The following MAD1L1 variants were observed in gnomAD, a reference collection of about 807,000 sequenced individuals.
MAD1L1 encodes the protein mitotic arrest deficient 1 like 1.
A neutral mutation model predicts 96.9 loss-of-function variants in MAD1L1; 95 were observed. The observed-to-expected ratio is 0.98, with a 90% CI of 0.83 to 1.16. MAD1L1 has a LOEUF of 1.16. Ranked by LOEUF, MAD1L1 falls within the 50% of genes most tolerant of loss-of-function variation. MAD1L1 has a pLI of 0.00. For synonymous variants in MAD1L1, 473 were observed against 396.6 expected (o/e 1.19, Z -2.29); for missense variants, 1,007 against 954.4 (o/e 1.06, Z -0.73).
At chr7:1,908,038 G>A (rs142283605) in intron 17 of MAD1L1, among the ~76,000 whole-genome samples, 158 of 152,332 alleles carry the variant, frequency 1.0e-3, no homozygotes, top group Middle Eastern at 6.8e-3. Context: ...AAGGCTCTTA[G>A]CAGACATGGG....
chr7:2,092,114 A>G (rs988465075), intron 11 of MAD1L1, among the ~76,000 whole-genome samples: 1 of 152,174 alleles, frequency 6.6e-6, no homozygotes, highest in Non-Finnish European at 1.5e-5. Flanking sequence ...GCAGTGCGTG[A>G]GAGTTCCTGT....
intron 12 of MAD1L1, among the ~76,000 whole-genome samples, chr7:2,030,912 C>G (rs1783198444): frequency 6.6e-6 from 1 of 152,230 alleles, no homozygotes; most frequent in Non-Finnish European, 1.5e-5. Context: ...TCCATCCTCT[C>G]TGTTCTTCCT....
At chr7:2,042,684 T>TC (rs968528861) in intron 12 of MAD1L1, among the ~76,000 whole-genome samples, 5 of 152,144 alleles carry the variant, frequency 3.3e-5, no homozygotes, top group African/African-American at 9.7e-5. Context: ...CTCAAGTGTC[T>TC]CTCTTGCTCC....
chr7:2,042,180 CACACACACACGCACATGG>C (rs1783713027), intron 12 of MAD1L1, among the ~76,000 whole-genome samples: 1 of 151,104 alleles, frequency 6.6e-6, no homozygotes, highest in Admixed American at 6.6e-5. Flanking sequence ...CATACACATG[CACACACACACGCACATGG>C]ACACAGACAC....
intron 12 of MAD1L1, among the ~76,000 whole-genome samples, chr7:2,049,868 A>G (rs1187884458): frequency 1.3e-3 from 125 of 98,846 alleles, no homozygotes; most frequent in East Asian, 3.9e-3. Context: ...ACCTCACCCA[A>G]CGTCTGCAGG....
chr7:2,204,154 C>A (rs141942432), intron 10 of MAD1L1, among the ~76,000 whole-genome samples: 1 of 152,216 alleles, frequency 6.6e-6, no homozygotes, highest in African/African-American at 2.4e-5. Flanking sequence ...AGGAGGTGCA[C>A]GCAGCCGTGG....
At chr7:1,845,344 C>T (rs958219812) in intron 18 of MAD1L1, 9 of 152,316 alleles carry the variant, frequency 5.9e-5, no homozygotes, top group Non-Finnish European at 7.3e-5. Flanking sequence ...TGTTACAGCC[C>T]TTGCCACCTC....
At position 2,066,417 on chromosome 7, in the gene MAD1L1, G is replaced by C. The variant is rs566146846; in HGVS notation, c.1218+2777C>G. ...GACGGATCCTGCATCCCTGGCCTGG[G>C]GCTACACGGGCGACTGGGATCAATC... On this transcript the variant is annotated intron_variant, in intron 12 of 18. Coordinates refer to ENST00000265854, the MANE Select transcript of MAD1L1 (RefSeq NM_001013836.2). Among the ~76,000 whole-genome samples, 6 of 152,350 alleles carry C rather than the reference G, an allele frequency of 3.9e-5. No homozygotes were observed. The East Asian group carries it at 1.2e-3, about 29-fold the overall frequency.
intron 17 of MAD1L1, among the ~76,000 whole-genome samples, chr7:1,917,264 C>A (rs980098305): frequency 1.3e-5 from 2 of 152,198 alleles, no homozygotes; most frequent in African/African-American, 4.8e-5. Context: ...ATGGGCCTCC[C>A]GCTCGGCTGC....
intron 11 of MAD1L1, among the ~76,000 whole-genome samples, chr7:2,138,577 C>A (rs1424216190): frequency 6.6e-6 from 1 of 152,180 alleles, no homozygotes; most frequent in African/African-American, 2.4e-5. Context: ...AGAAGTCAGC[C>A]GGAGGGGAAG....
chr7:2,230,449 G>A (rs947985678), intron 2 of MAD1L1, 100 bp downstream of exon 2: 2 of 308,418 alleles, frequency 6.5e-6, no homozygotes, highest in Non-Finnish European at 6.3e-6. Flanking sequence ...CAGGTGGCAC[G>A]TCCCCCAACT....
At chr7:1,939,608 T>C (rs1028142401) in intron 16 of MAD1L1, among the ~76,000 whole-genome samples, 3 of 152,196 alleles carry the variant, frequency 2.0e-5, no homozygotes. Context: ...CCTCCTCCCC[T>C]TTGGCAATGA....
Position 2,160,394 on chromosome 7 carries a change from G to A in MAD1L1, c.987-11156C>T, listed in dbSNP as rs575797486. 3.6e-4 allele frequency among the ~76,000 whole-genome samples: 49 copies of A among 135,976 alleles called. No individual in the cohort carries two copies. The South Asian group carries it at 9.0e-3, about 25-fold the overall frequency. 89.2% of individuals were successfully genotyped at this position (135,976 alleles called of 152,430 possible). A position where few individuals can be genotyped will look rare whatever the true frequency, so the allele number is the denominator to read the frequency against. ...GTGGCCCAGGCTGGAGTGCAGTGGC[G>A]CAATCTTGGCTCACTGAAAGCTCCG... is the stretch of plus-strand genomic sequence containing the variant. On this transcript the variant is annotated intron_variant, in intron 10 of 18. Transcript: ENST00000265854.
At chr7:1,828,902 T>C (rs983147549) in intron 18 of MAD1L1, among the ~76,000 whole-genome samples, 9 of 152,010 alleles carry the variant, frequency 5.9e-5, no homozygotes, top group South Asian at 2.1e-4. Flanking sequence ...AAGAGCCAAA[T>C]TGACCTTCTA....
chr7:2,115,667 T>C (rs540690732), intron 11 of MAD1L1, among the ~76,000 whole-genome samples: 1 of 152,372 alleles, frequency 6.6e-6, no homozygotes, highest in East Asian at 1.9e-4. Flanking sequence ...ATGCCGGGCC[T>C]GTGGACACTC....
chr7:1,857,337 G>A (rs1784307495), intron 18 of MAD1L1, among the ~76,000 whole-genome samples: 1 of 152,186 alleles, frequency 6.6e-6, no homozygotes, highest in Non-Finnish European at 1.5e-5. Flanking sequence ...GCTGTGCTCG[G>A]GGGGCGGCAC....
chr7:2,115,234 G>C (rs535006633), intron 11 of MAD1L1, among the ~76,000 whole-genome samples: 1 of 150,470 alleles, frequency 6.6e-6, no homozygotes, highest in Non-Finnish European at 1.5e-5. Flanking sequence ...CAGAGGAGGC[G>C]CTGGACAGGG....
At chr7:1,834,399 A>C (rs1044557408) in intron 18 of MAD1L1, among the ~76,000 whole-genome samples, 1 of 152,252 alleles carries the variant, frequency 6.6e-6, no homozygotes, top group African/African-American at 2.4e-5. Context: ...CTGACCTGGA[A>C]TAAAAGAGAA....
chr7:1,923,780 G>C (rs1246449946), intron 17 of MAD1L1, among the ~76,000 whole-genome samples: 1 of 152,236 alleles, frequency 6.6e-6, no homozygotes, highest in Non-Finnish European at 1.5e-5. Context: ...GGCTCTGGAA[G>C]GTGCCCTCTA....
Sources: allele counts gnomAD v4.1 joint callset (sites outside exome capture counted in the v4.1 genomes callset), GRCh38; gene constraint gnomAD v4.1.1; transcripts MANE v1.5; gene names NCBI Gene and HGNC (gene_info 2026-07-23, HGNC 2026-07-21).